Variants in ITGB5 observed in about 807,000 individuals in gnomAD.
ITGB5 encodes the protein integrin beta-5.
Under a neutral mutation model 84.8 loss-of-function variants are expected in ITGB5, and 38 were observed. That is an observed-to-expected ratio of 0.45 (90% CI 0.35 to 0.59). The LOEUF (loss-of-function observed/expected upper bound fraction) is 0.59, where lower values mean the gene tolerates loss of function less well. Ranked by LOEUF, ITGB5 falls within the 20% of genes least tolerant of loss-of-function variation. The pLI is 0.01. For synonymous variants in ITGB5, 393 were observed against 414.4 expected (o/e 0.95, Z 0.63); for missense variants, 905 against 1,034.5 (o/e 0.87, Z 1.72).
intron 6 of ITGB5, among the ~76,000 whole-genome samples, chr3:124,820,466 G>A (rs1160135347): frequency 2.0e-5 from 3 of 152,126 alleles, no homozygotes; most frequent in Non-Finnish European, 2.9e-5. Flanking sequence ...CTAATGATGG[G>A]TACAGGGGCC....
chr3:124,808,721 A>C (rs560558428), intron 9 of ITGB5, among the ~76,000 whole-genome samples: 2 of 152,318 alleles, frequency 1.3e-5, no homozygotes, highest in Non-Finnish European at 2.9e-5. Context: ...CTTTCTCCTG[A>C]TTACAACTGT....
At chr3:124,780,208 G>A (rs551979014) in intron 10 of ITGB5, among the ~76,000 whole-genome samples, 114 of 149,846 alleles carry the variant, frequency 7.6e-4, no homozygotes, top group Non-Finnish European at 2.5e-4. Flanking sequence ...CTCAACTCTG[G>A]CCCAGGAACA....
At chr3:124,869,543 C>G (rs967619487) in intron 2 of ITGB5, among the ~76,000 whole-genome samples, 1 of 152,150 alleles carries the variant, frequency 6.6e-6, no homozygotes, top group African/African-American at 2.4e-5. Flanking sequence ...TCACTGCACT[C>G]CAGCCTGGAT....
intron 8 of ITGB5, among the ~76,000 whole-genome samples, chr3:124,816,865 C>T (rs1301158550): frequency 6.6e-6 from 1 of 152,096 alleles, no homozygotes; most frequent in Non-Finnish European, 1.5e-5. Flanking sequence ...TTAATAGCCC[C>T]ATTCACGAAC....
intron 10 of ITGB5, among the ~76,000 whole-genome samples, chr3:124,794,690 G>A (rs1255411449): frequency 6.6e-6 from 1 of 151,958 alleles, no homozygotes; most frequent in Non-Finnish European, 1.5e-5. Flanking sequence ...GCTGAGACAG[G>A]AGAATCACTT....
chr3:124,766,466 A>G (rs2063770539), intron 12 of ITGB5, 121 bp from the exon 13 acceptor site: 5 of 1,176,988 alleles, frequency 4.2e-6, no homozygotes, highest in Non-Finnish European at 6.0e-6. Flanking sequence ...TGGGCAGAAA[A>G]TCTTAAGGGG....
chr3:124,821,890 GGCTA>G (rs3834191), intron 5 of ITGB5, among the ~76,000 whole-genome samples: 52,593 of 151,664 alleles, frequency 0.35, 9,390 homozygotes, highest in Admixed American at 0.43. Flanking sequence ...TGGTTGGCTG[GGCTA>G]GCTAGTCTAA....
chr3:124,812,076 A>G (rs1024254883), intron 8 of ITGB5, among the ~76,000 whole-genome samples: 4 of 152,218 alleles, frequency 2.6e-5, no homozygotes, highest in Admixed American at 2.6e-4. Context: ...CAAAACTATG[A>G]GTGCTGGAGG....
upstream of ITGB5, among the ~76,000 whole-genome samples, chr3:124,890,733 A>C (rs900544597): frequency 1.3e-5 from 2 of 152,040 alleles, no homozygotes; most frequent in Non-Finnish European, 2.9e-5. Flanking sequence ...TGGTTTCCTG[A>C]GCCCCTAACT....
At chr3:124,830,795 C>T (rs2107577725) in intron 5 of ITGB5, among the ~76,000 whole-genome samples, 1 of 152,272 alleles carries the variant, frequency 6.6e-6, no homozygotes, top group African/African-American at 2.4e-5. Flanking sequence ...ACCGGCCTGG[C>T]CAACATGATG....
At chr3:124,858,511 G>C (rs2065250888) in intron 3 of ITGB5, among the ~76,000 whole-genome samples, 1 of 152,096 alleles carries the variant, frequency 6.6e-6, no homozygotes, top group African/African-American at 2.4e-5. Flanking sequence ...ACTGACAAAT[G>C]AATAAACAAA....
intron 1 of ITGB5, among the ~76,000 whole-genome samples, chr3:124,877,454 T>G (rs1353059602): frequency 2.0e-5 from 3 of 152,168 alleles, no homozygotes; most frequent in African/African-American, 7.2e-5. Context: ...CCTCCTCTCC[T>G]CAACCTTATC....
intron 12 of ITGB5, among the ~76,000 whole-genome samples, chr3:124,767,209 A>G (rs2063779849): frequency 6.6e-6 from 1 of 152,224 alleles, no homozygotes; most frequent in African/African-American, 2.4e-5. Context: ...GAAGGTGAAC[A>G]CTAGGGCGGT....
intron 9 of ITGB5, among the ~76,000 whole-genome samples, chr3:124,799,780 C>T (rs377039028): frequency 9.2e-5 from 14 of 152,248 alleles, no homozygotes; most frequent in East Asian, 1.9e-4. Context: ...GCAGGGCCCG[C>T]GCTCTCCTTA....
chr3:124,844,095 T>A (rs1208236909), intron 4 of ITGB5, among the ~76,000 whole-genome samples: 1 of 150,200 alleles, frequency 6.7e-6, no homozygotes, highest in Non-Finnish European at 1.5e-5. Flanking sequence ...AAATGTAATT[T>A]AAAATTTTTT....
intron 8 of ITGB5, among the ~76,000 whole-genome samples, chr3:124,816,567 G>A (rs1360178322): frequency 1.3e-5 from 2 of 152,192 alleles, no homozygotes; most frequent in African/African-American, 4.8e-5. Context: ...GTAGGCAATG[G>A]ATGCCATAAC....
At chr3:124,872,564 G>A (rs1169733038) in intron 2 of ITGB5, among the ~76,000 whole-genome samples, 2 of 152,140 alleles carry the variant, frequency 1.3e-5, no homozygotes, top group African/African-American at 4.8e-5. Flanking sequence ...CCTCCTGACA[G>A]GGACCACGCA....
intron 13 of ITGB5, among the ~76,000 whole-genome samples, chr3:124,765,893 C>A (rs929061392): frequency 6.6e-6 from 1 of 151,884 alleles, no homozygotes; most frequent in Non-Finnish European, 1.5e-5. Context: ...CCTGTCTCTA[C>A]CAAAAACATA....
chr3:124,841,095 A>G (rs895708757), intron 5 of ITGB5, among the ~76,000 whole-genome samples: 4 of 152,226 alleles, frequency 2.6e-5, no homozygotes, highest in Admixed American at 2.6e-4. Context: ...AAATAAACCA[A>G]AAAGCCAATG....
Sources: allele counts gnomAD v4.1 joint callset (sites outside exome capture counted in the v4.1 genomes callset), GRCh38; gene constraint gnomAD v4.1.1; transcripts MANE v1.5; gene names NCBI Gene and HGNC (gene_info 2026-07-23, HGNC 2026-07-21).